The following RORA variants were observed in gnomAD, a reference collection of about 807,000 sequenced individuals.
RORA encodes the protein nuclear receptor ROR-alpha.
RORA carries 7 observed loss-of-function variants against 69.5 expected under a neutral mutation model. That is an observed-to-expected ratio of 0.10 (90% CI 0.06 to 0.19). The LOEUF is 0.19. Ranked by LOEUF, RORA falls within the 10% of genes least tolerant of loss-of-function variation. RORA has a pLI of 1.00. For synonymous variants in RORA, 261 were observed against 240.8 expected (o/e 1.08, Z -0.78); for missense variants, 457 against 663.0 (o/e 0.69, Z 3.41).
At chr15:61,200,378 T>C (rs1346119418) in intron 1 of RORA, among the ~76,000 whole-genome samples, 2 of 152,088 alleles carry the variant, frequency 1.3e-5, no homozygotes, top group African/African-American at 4.8e-5. Context: ...TGGTGTCATG[T>C]TGTACCCCAA....
intron 1 of RORA, among the ~76,000 whole-genome samples, chr15:60,924,424 T>C (rs1179877900): frequency 6.6e-6 from 1 of 151,150 alleles, no homozygotes; most frequent in East Asian, 1.9e-4. Flanking sequence ...AAACTAAAGT[T>C]ACACATACTA....
intron 2 of RORA, among the ~76,000 whole-genome samples, chr15:60,612,135 G>A (rs2069106042): frequency 6.6e-6 from 1 of 152,192 alleles, no homozygotes; most frequent in Non-Finnish European, 1.5e-5. Flanking sequence ...CTGAGATCAT[G>A]TATTAAGAAA....
chr15:61,089,264 A>G (rs1187040280), intron 1 of RORA, among the ~76,000 whole-genome samples: 1 of 152,216 alleles, frequency 6.6e-6, no homozygotes, highest in East Asian at 1.9e-4. Context: ...TGTAGAAAAA[A>G]GTCCAAGATA....
intron 2 of RORA, among the ~76,000 whole-genome samples, chr15:60,652,859 G>T (rs1419525341): frequency 6.6e-6 from 1 of 152,170 alleles, no homozygotes; most frequent in Non-Finnish European, 1.5e-5. Context: ...GCTCAATGCT[G>T]GTGCTTGCTC....
At position 60,939,680 on chromosome 15, in the gene RORA, G is replaced by A. The variant is rs542153231; in HGVS notation, c.167-260994C>T. On this transcript the variant is annotated intron_variant, in intron 1 of 10. Coordinates refer to ENST00000335670, the MANE Select transcript of RORA (RefSeq NM_134261.3). ...GCTCATTATGGTGAATTATAACAGG[G>A]GGACAGCACATTTTTCAGGAGAGTT... Among the ~76,000 whole-genome samples the A allele has an allele frequency of 2.0e-5, 3 of 152,294 alleles. No individual in the cohort carries two copies. The South Asian group carries it at 6.2e-4, about 32-fold the overall frequency.
intron 1 of RORA, among the ~76,000 whole-genome samples, chr15:60,783,788 G>A (rs79219245): frequency 5.3e-5 from 8 of 152,146 alleles, no homozygotes; most frequent in African/African-American, 1.4e-4. Context: ...CTCCAGTAAG[G>A]GCCTGAGAAA....
chr15:60,914,577 G>C (rs754511994), intron 1 of RORA, among the ~76,000 whole-genome samples: 20 of 152,172 alleles, frequency 1.3e-4, no homozygotes, highest in Non-Finnish European at 2.5e-4. Context: ...AAATATTTGT[G>C]ATGCAAATGA....
intron 1 of RORA, among the ~76,000 whole-genome samples, chr15:60,720,311 C>T (rs1256818781): frequency 6.6e-6 from 1 of 152,056 alleles, no homozygotes; most frequent in Non-Finnish European, 1.5e-5. Context: ...TAGTCCTCGC[C>T]CTGACGGCAA....
intron 1 of RORA, among the ~76,000 whole-genome samples, chr15:60,713,355 G>A (rs767346960): frequency 3.3e-5 from 5 of 151,996 alleles, no homozygotes; most frequent in Non-Finnish European, 5.9e-5. Context: ...AACCAATGGC[G>A]CCTTTTATCA....
chr15:61,038,911 G>A (rs547684682), intron 1 of RORA: 1 of 152,386 alleles, frequency 6.6e-6, no homozygotes, highest in African/African-American at 2.4e-5. Flanking sequence ...TCCCCTTCCA[G>A]TGCTCATCCA....
intron 2 of RORA, among the ~76,000 whole-genome samples, chr15:60,542,682 A>T (rs1595943018): frequency 1.5e-5 from 2 of 133,896 alleles, no homozygotes; most frequent in Non-Finnish European, 3.1e-5. Context: ...ACACGGGCAC[A>T]CCTCCCACAC....
intron 1 of RORA, among the ~76,000 whole-genome samples, chr15:61,134,734 A>G (rs1186242689): frequency 6.6e-6 from 1 of 152,146 alleles, no homozygotes. Flanking sequence ...TCCTTGGCGC[A>G]GTATACATGA....
chr15:61,000,886 T>G (rs1894723696), intron 1 of RORA, among the ~76,000 whole-genome samples: 1 of 152,114 alleles, frequency 6.6e-6, no homozygotes, highest in African/African-American at 2.4e-5. Context: ...GAGATAAGCA[T>G]CTTACCCTCT....
chr15:60,784,361 A>G (rs2072306755), intron 1 of RORA, among the ~76,000 whole-genome samples: 1 of 152,164 alleles, frequency 6.6e-6, no homozygotes, highest in Admixed American at 6.5e-5. Context: ...TCTTCCATTC[A>G]ATGGGGGAGA....
intron 1 of RORA, among the ~76,000 whole-genome samples, chr15:61,221,360 G>A (rs577886749): frequency 3.9e-5 from 6 of 152,244 alleles, no homozygotes; most frequent in Non-Finnish European, 7.4e-5. Flanking sequence ...AGATTCAAAC[G>A]ATGGTCCCTC....
chr15:60,675,303 C>A (rs2070536646), intron 2 of RORA, among the ~76,000 whole-genome samples: 1 of 152,170 alleles, frequency 6.6e-6, no homozygotes, highest in African/African-American at 2.4e-5. Flanking sequence ...AACACCAAAG[C>A]AAAGCAATCT....
intron 1 of RORA, among the ~76,000 whole-genome samples, chr15:61,120,169 T>C (rs1218068491): frequency 6.6e-6 from 1 of 152,192 alleles, no homozygotes; most frequent in Non-Finnish European, 1.5e-5. Flanking sequence ...TATTTTGATA[T>C]GGGTGGTGGC....
chr15:60,605,274 G>C (rs1490621057), intron 2 of RORA, among the ~76,000 whole-genome samples: 1 of 151,892 alleles, frequency 6.6e-6, no homozygotes, highest in Non-Finnish European at 1.5e-5. Context: ...AATGTAGTTA[G>C]AGTTTGTACT....
intron 2 of RORA, among the ~76,000 whole-genome samples, chr15:60,619,164 T>C (rs1410442982): frequency 6.6e-6 from 1 of 152,248 alleles, no homozygotes; most frequent in East Asian, 1.9e-4. Flanking sequence ...TAATGTTTCA[T>C]AATGTAAAGT....
Sources: gnomAD v4.1 joint callset for allele counts (sites outside exome capture counted in the v4.1 genomes callset) on GRCh38, gnomAD v4.1.1 for gene constraint, MANE v1.5 for transcripts, NCBI Gene and HGNC (gene_info 2026-07-23, HGNC 2026-07-21) for gene names.